ACACB: variants seen among roughly 807,000 people sequenced by gnomAD.
ACACB encodes acetyl-CoA carboxylase 2.
A neutral mutation model predicts 278.8 loss-of-function variants in ACACB; 209 were observed. That is an observed-to-expected ratio of 0.75 (90% confidence interval 0.67 to 0.84). ACACB has a LOEUF of 0.84. Ranked by LOEUF, ACACB falls within the 40% of genes least tolerant of loss-of-function variation. The pLI, the probability that ACACB is intolerant of heterozygous loss-of-function variation, is 0.00. For missense variants in ACACB, 2,850 were observed against 3,269.0 expected (o/e 0.87, Z 3.13); for synonymous variants, 1,174 against 1,285.6 (o/e 0.91, Z 1.86).
At chr12:109,179,328 CAGAG>C (rs2136219828) in intron 10 of ACACB, 31 bp downstream of exon 10, 1 of 1,598,846 alleles carries the variant, frequency 6.3e-7, no homozygotes, top group African/African-American at 1.3e-5. Flanking sequence ...GGGGCAGCTT[CAGAG>C]AGAGCCGTCT....
chr12:109,260,170 C>A, intron 47 of ACACB: 1 of 1,421,982 alleles, frequency 7.0e-7, no homozygotes, highest in Non-Finnish European at 9.4e-7. Context: ...GTTTTCTTTG[C>A]TGGAAATGGT....
At chr12:109,173,730 A>T (rs915101532) in intron 6 of ACACB, among the ~76,000 whole-genome samples, 3 of 152,244 alleles carry the variant, frequency 2.0e-5, no homozygotes, top group African/African-American at 7.2e-5. Context: ...ATTGTGACAG[A>T]GACCTGCAGG....
chr12:109,169,123 C>T (rs1482290759), intron 4 of ACACB, among the ~76,000 whole-genome samples: 1 of 128,448 alleles, frequency 7.8e-6, no homozygotes, highest in African/African-American at 3.0e-5. Context: ...GCGGCCTGGG[C>T]GACAGAGTGA....
chr12:109,205,655 T>C (rs1477397534), intron 19 of ACACB, among the ~76,000 whole-genome samples: 1 of 151,874 alleles, frequency 6.6e-6, no homozygotes, highest in Non-Finnish European at 1.5e-5. Context: ...GGTTTCACCA[T>C]GTTGGCCAGG....
chr12:109,250,137 A>C (rs779344896), intron 41 of ACACB, 33 bp downstream of exon 41: 2 of 1,549,958 alleles, frequency 1.3e-6, no homozygotes, highest in South Asian at 1.2e-5. Context: ...TTACTTTTCA[A>C]CTTTCCATTA....
At chr12:109,266,103 C>A (rs2047510245) in intron 52 of ACACB, 133 bp from the exon 53 acceptor site, 2 of 1,152,494 alleles carry the variant, frequency 1.7e-6, no homozygotes, top group Non-Finnish European at 1.2e-6. Flanking sequence ...GACCATCACC[C>A]CCATGGGGAC....
At chr12:109,201,435 T>A in intron 18 of ACACB, 132 bp from the exon 19 acceptor site, 1 of 1,083,900 alleles carries the variant, frequency 9.2e-7, no homozygotes, top group Non-Finnish European at 1.3e-6. Flanking sequence ...GCCTGAACAC[T>A]ACCCAGGGAG....
upstream of ACACB, among the ~76,000 whole-genome samples, chr12:109,114,458 A>G (rs2042365322): frequency 6.6e-6 from 1 of 152,116 alleles, no homozygotes; most frequent in South Asian, 2.1e-4. Context: ...TGGTGGGGGA[A>G]GGCATGTGAA....
Position 109,259,178 on chromosome 12 carries a change from G to C in ACACB, c.6496+70G>C, listed in dbSNP as rs530890401. The stretch of plus-strand genomic sequence containing the variant: ...CACCCAGGACAGCACCCTCTGGGTG[G>C]TGATGCTAATGTCCTAGTCTGTGCC... On this transcript the variant is annotated intron_variant, in intron 47 of 52. Transcript: ENST00000338432. The C allele has an allele frequency of 2.9e-4, 444 of 1,542,260 alleles. 4 individuals carry two copies. The African/African-American group carries it at 4.4e-3, about 15-fold the overall frequency.
chr12:109,167,115 G>A, intron 3 of ACACB, 122 bp downstream of exon 3: 2 of 1,279,348 alleles, frequency 1.6e-6, no homozygotes, highest in African/African-American at 1.5e-5. Flanking sequence ...GGGGGTGAGG[G>A]CCACGCTCCT....
chr12:109,167,654 T>TA (rs71079531), intron 3 of ACACB, among the ~76,000 whole-genome samples: 18 of 138,746 alleles, frequency 1.3e-4, no homozygotes, highest in Admixed American at 3.0e-4. Flanking sequence ...TATATATATA[T>TA]TTCAGACAAA....
Position 109,247,539 on chromosome 12 carries a change from GAA to G in ACACB, c.5572-58_5572-57del, listed in dbSNP as rs144291284. ...TCCATCCCTACGATGTTCACATTAA[GAA>G]AAAAAAAACAGTGGCTTTCAGTGCA... is the stretch of plus-strand genomic sequence containing the variant. On this transcript the variant is annotated intron_variant, in intron 39 of 52. Coordinates refer to ENST00000338432, the MANE Select transcript of ACACB (RefSeq NM_001093.4). The G allele has an allele frequency of 6.8e-6, 7 of 1,022,640 alleles. No homozygotes were observed. In the African/African-American group the frequency reaches 1.1e-4, roughly 17 times the overall value. 63.3% of individuals were successfully genotyped at this position (1,022,640 alleles called of 1,614,324 possible).
At chr12:109,186,677 G>T (rs2044674109) in intron 12 of ACACB, among the ~76,000 whole-genome samples, 1 of 152,154 alleles carries the variant, frequency 6.6e-6, no homozygotes, top group Non-Finnish European at 1.5e-5. Context: ...GGGGGTAAGA[G>T]AGGGTACACC....
At chr12:109,242,251 C>A in intron 36 of ACACB, 186 bp from the exon 37 acceptor site, 1 of 597,598 alleles carries the variant, frequency 1.7e-6, no homozygotes, top group Non-Finnish European at 2.9e-6. Flanking sequence ...CCTGTTGTCC[C>A]TTCTTGTTCT....
chr12:109,175,305 G>C (rs180801845), intron 7 of ACACB, among the ~76,000 whole-genome samples: 1 of 151,940 alleles, frequency 6.6e-6, no homozygotes, highest in Non-Finnish European at 1.5e-5. Flanking sequence ...GCATGGTGTT[G>C]GGAAATAATT....
At chr12:109,231,050 C>G (rs962374227) in intron 28 of ACACB, among the ~76,000 whole-genome samples, 57 of 152,300 alleles carry the variant, frequency 3.7e-4, no homozygotes, top group African/African-American at 1.3e-3. Context: ...AAAGTCTATC[C>G]CCAAGATGGC....
chr12:109,251,296 A>T (rs113963429), intron 41 of ACACB, among the ~76,000 whole-genome samples: 14 of 152,224 alleles, frequency 9.2e-5, no homozygotes, highest in African/African-American at 2.4e-4. Context: ...CCTAACTATC[A>T]CCTGATGGTT....
rs144673785 is a variant in ACACB at position 109,246,234 on chromosome 12, G to A, written c.5357G>A (p.Arg1786Gln). The change falls in exon 39 of 53, where the codon CGG becomes CAG. Residue 1786 changes from arginine (R) to glutamine (Q), a missense_variant. Physicochemically the swap from Arg to Gln is conservative, Grantham distance 43. Around this residue, in one of 3 missense-constraint regions of ACACB, gnomAD observed 2,265 missense variants for 2,561.3 expected, o/e 0.88. Coordinates refer to ENST00000338432, the MANE Select transcript of ACACB (RefSeq NM_001093.4). ...AAGACCCAGGAGTACCCGGAAGGACGGGATGTGATCGTCATCGGCAATGAC... is the reference window on the plus strand; with the variant it reads ...AAGACCCAGGAGTACCCGGAAGGACAGGATGTGATCGTCATCGGCAATGAC... ...RFKTQEYPEG[R>Q]DVIVIGNDIT... 6.1e-3 allele frequency: 9,787 copies of A among 1,613,752 alleles called. 48 individuals carry two copies. Among genetic ancestry groups the A allele is most frequent in the Non-Finnish European group, 7.1e-3 (8,373 of 1,179,958 alleles).
At chr12:109,256,425 T>G (rs10849967) in intron 45 of ACACB, among the ~76,000 whole-genome samples, 189 bp downstream of exon 45, 33,299 of 152,124 alleles carry the variant, frequency 0.22, 4,276 homozygotes, top group East Asian at 0.36. Context: ...TCAGCCAGCC[T>G]CCTCCTGAGG....
Sources: gnomAD v4.1 joint callset for allele counts (sites outside exome capture counted in the v4.1 genomes callset) on GRCh38, gnomAD v4.1.1 for gene constraint, gnomAD v4.1.1 regional missense constraint, MANE v1.5 for transcripts, NCBI Gene and HGNC (gene_info 2026-07-23, HGNC 2026-07-21) for gene names.